The following WDR7 variants were observed in gnomAD, a reference collection of about 807,000 sequenced individuals.
The protein encoded by WDR7 is WD repeat domain 7, also known as WD repeat-containing protein 7.
A neutral mutation model predicts 169.4 loss-of-function variants in WDR7; 46 were observed. That is an observed-to-expected ratio of 0.27 (90% confidence interval 0.21 to 0.35). The LOEUF (loss-of-function observed/expected upper bound fraction) is 0.35, where lower values mean the gene tolerates loss of function less well. Ranked by LOEUF, WDR7 falls within the 10% of genes least tolerant of loss-of-function variation. The pLI is 1.00. For synonymous variants in WDR7, 612 were observed against 666.8 expected, an observed-to-expected ratio of 0.92 and a Z score of 1.27; for missense variants, 1,534 against 1,859.3, an observed-to-expected ratio of 0.83 and a Z score of 3.22.
chr18:57,022,973 T>A (rs1426101419), intron 27 of WDR7, among the ~76,000 whole-genome samples: 1 of 152,206 alleles, frequency 6.6e-6, no homozygotes, highest in Non-Finnish European at 1.5e-5. Flanking sequence ...TTCCTGTTAT[T>A]TGCACATGCC....
chr18:56,678,118 T>C (rs1454956620), intron 2 of WDR7, among the ~76,000 whole-genome samples: 1 of 152,244 alleles, frequency 6.6e-6, no homozygotes, highest in East Asian at 1.9e-4. Context: ...TTCTTTTTTA[T>C]TATTTCAGTC....
intron 21 of WDR7, among the ~76,000 whole-genome samples, chr18:56,911,735 C>T (rs1234630797): frequency 1.3e-5 from 2 of 152,168 alleles, no homozygotes; most frequent in Non-Finnish European, 2.9e-5. Context: ...CACTGGACTA[C>T]CTATAAGATC....
chr18:56,907,149 G>T (rs2046489248), intron 21 of WDR7, among the ~76,000 whole-genome samples: 1 of 152,150 alleles, frequency 6.6e-6, no homozygotes, highest in African/African-American at 2.4e-5. Flanking sequence ...AATAGCTGGG[G>T]TGACCATCTG....
intron 25 of WDR7, among the ~76,000 whole-genome samples, chr18:56,960,213 T>C (rs1344530311): frequency 1.3e-5 from 2 of 152,134 alleles, no homozygotes; most frequent in African/African-American, 4.8e-5. Context: ...ATAGATTTGA[T>C]CTTTCTTTCT....
intron 20 of WDR7, among the ~76,000 whole-genome samples, chr18:56,833,280 G>A (rs982670002): frequency 6.6e-6 from 1 of 151,910 alleles, no homozygotes; most frequent in African/African-American, 2.4e-5. Flanking sequence ...GTGAAGGCAA[G>A]ATTAGAGAAA....
intron 22 of WDR7, among the ~76,000 whole-genome samples, chr18:56,928,292 C>T (rs149864464): frequency 5.9e-5 from 9 of 151,896 alleles, no homozygotes; most frequent in East Asian, 1.9e-4. Context: ...AGCGAGACCC[C>T]GTCTCTACAA....
chr18:56,801,228 C>T (rs565653426), intron 19 of WDR7, among the ~76,000 whole-genome samples: 2 of 152,248 alleles, frequency 1.3e-5, no homozygotes, highest in African/African-American at 4.8e-5. Context: ...GAATTGCTAA[C>T]TCATACCATG....
chr18:56,844,696 G>C (rs1375292707), intron 20 of WDR7, among the ~76,000 whole-genome samples: 4 of 152,190 alleles, frequency 2.6e-5, no homozygotes, highest in Non-Finnish European at 5.9e-5. Flanking sequence ...AAAGGCTACT[G>C]TTCACTAGAA....
chr18:56,741,348 T>A (rs11876256), intron 14 of WDR7, among the ~76,000 whole-genome samples: 5,855 of 152,224 alleles, frequency 0.038, 345 homozygotes, highest in African/African-American at 0.13. Context: ...TCCAAAATAA[T>A]CTTTTGTCAT....
intron 14 of WDR7, among the ~76,000 whole-genome samples, chr18:56,736,555 A>AC (rs1385859937): frequency 6.6e-6 from 1 of 151,148 alleles, no homozygotes; most frequent in African/African-American, 2.4e-5. Flanking sequence ...GAGAAATCAT[A>AC]CAGACGGATT....
chr18:56,945,110 T>A (rs2047085864), intron 25 of WDR7, among the ~76,000 whole-genome samples: 1 of 151,910 alleles, frequency 6.6e-6, no homozygotes, highest in South Asian at 2.1e-4. Flanking sequence ...CGTAAAGGAG[T>A]TTAAGCAGCT....
At chr18:56,998,618 G>T (rs750373000) in intron 26 of WDR7, among the ~76,000 whole-genome samples, 1 of 152,200 alleles carries the variant, frequency 6.6e-6, no homozygotes, top group Non-Finnish European at 1.5e-5. Context: ...GCTGAAGCTA[G>T]AAGGTCCACT....
rs143519140 is a variant in WDR7, at chr18:56,746,296, A to G, written c.1990-10287A>G. Among the ~76,000 whole-genome samples, 489 of 152,226 alleles carry G rather than the reference A, an allele frequency of 3.2e-3. 2 individuals are homozygous for G. The highest frequency in any genetic ancestry group is 0.017 in the Middle Eastern group (5 of 294). ...ATACTTATTTTTCCTAATTACATTC[A>G]CACCTCAATCACAATCACACTAAGC... On this transcript the variant is annotated intron_variant, in intron 14 of 27. Coordinates refer to ENST00000254442, the MANE Select transcript of WDR7 (RefSeq NM_015285.3).
intron 19 of WDR7, among the ~76,000 whole-genome samples, chr18:56,805,960 T>C (rs2044766804): frequency 6.6e-6 from 1 of 152,190 alleles, no homozygotes; most frequent in Admixed American, 6.6e-5. Flanking sequence ...CAGGGACTTT[T>C]AGCATACCCT....
At chr18:56,948,700 G>A (rs1174991480) in intron 25 of WDR7, among the ~76,000 whole-genome samples, 4 of 152,154 alleles carry the variant, frequency 2.6e-5, no homozygotes, top group African/African-American at 9.7e-5. Flanking sequence ...TTTAAAAACA[G>A]GCAAACTGAT....
chr18:56,880,271 T>A (rs2046087154), intron 21 of WDR7, 106 bp downstream of exon 21: 1 of 1,109,208 alleles, frequency 9.0e-7, no homozygotes, highest in Non-Finnish European at 1.3e-6. Context: ...CTCATTTAGA[T>A]TGCTTGCGTG....
chr18:56,889,800 T>C (rs2046241177), intron 21 of WDR7, among the ~76,000 whole-genome samples: 1 of 152,192 alleles, frequency 6.6e-6, no homozygotes, highest in Admixed American at 6.5e-5. Context: ...CGGACATCTA[T>C]TGAAGCTTTC....
intron 20 of WDR7, among the ~76,000 whole-genome samples, chr18:56,877,604 G>A (rs2046042309): frequency 6.6e-6 from 1 of 152,168 alleles, no homozygotes; most frequent in Admixed American, 6.6e-5. Flanking sequence ...AAGCCTATTA[G>A]CAAATTTAGT....
intron 26 of WDR7, among the ~76,000 whole-genome samples, chr18:56,963,806 C>T (rs984706654): frequency 4.6e-5 from 7 of 152,016 alleles, no homozygotes; most frequent in Admixed American, 3.9e-4. Context: ...TTTATAAGAT[C>T]CTTTCATAAG....
Sources: allele counts gnomAD v4.1 joint callset (sites outside exome capture counted in the v4.1 genomes callset), GRCh38; gene constraint gnomAD v4.1.1; transcripts MANE v1.5; gene names NCBI Gene and HGNC (gene_info 2026-07-23, HGNC 2026-07-21).